The following LEPR variants were observed in gnomAD, a reference collection of about 807,000 sequenced individuals.
LEPR encodes OB receptor.
LEPR carries 56 observed loss-of-function variants against 114.7 expected under a neutral mutation model. The observed-to-expected ratio is 0.49, with a 90% confidence interval of 0.39 to 0.61. LEPR has a LOEUF of 0.61. Ranked by LOEUF, LEPR falls within the 20% of genes least tolerant of loss-of-function variation. The pLI, the probability that LEPR is intolerant of heterozygous loss-of-function variation, is 0.00. For synonymous variants in LEPR, 443 were observed against 461.4 expected (o/e 0.96, Z 0.51); for missense variants, 1,202 against 1,352.9 (o/e 0.89, Z 1.75).
intron 2 of LEPR, chr1:65,434,202 G>T (rs1646526811): frequency 4.1e-6 from 4 of 982,284 alleles, no homozygotes; most frequent in Non-Finnish European, 4.8e-6. Flanking sequence ...ATTCTGCAGT[G>T]CCTAAATATC....
chr1:65,533,120 G>T (rs1190949804), intron 2 of LEPR, among the ~76,000 whole-genome samples: 2 of 151,976 alleles, frequency 1.3e-5, no homozygotes, highest in Non-Finnish European at 2.9e-5. Context: ...AAAACATGAA[G>T]TTCCTGTGAA....
chr1:65,430,164 T>G, intron 2 of LEPR: 1 of 911,902 alleles, frequency 1.1e-6, no homozygotes, highest in East Asian at 2.8e-5. Context: ...GGCCGTGTGT[T>G]TTTAGTTTCT....
chr1:65,510,148 A>G (rs974349260), intron 2 of LEPR, among the ~76,000 whole-genome samples: 2 of 152,230 alleles, frequency 1.3e-5, no homozygotes, highest in African/African-American at 2.4e-5. Context: ...AAGCAGAGAC[A>G]AGAGATAGGA....
chr1:65,542,269 C>T lies in LEPR; in HGVS notation c.-20-23277C>T, dbSNP rs951861319. 4.0e-5 allele frequency among the ~76,000 whole-genome samples: 6 copies of T among 151,300 alleles called. No homozygotes were observed. The South Asian group carries it at 6.3e-4, about 16-fold the overall frequency. On this transcript the variant is annotated intron_variant, in intron 2 of 19. Coordinates refer to ENST00000349533, the MANE Select transcript of LEPR (RefSeq NM_002303.6). ...TATATTTCAACATAGGCTTTTTTTT[C>T]TTTTCATTTCTTTCTAAATTCCTAA...
At position 65,598,658 on chromosome 1, in the gene LEPR, A is replaced by C; in HGVS notation, c.850-2A>C. ...CTGATGTTTTAATATAATATTTAAC[A>C]GGCTGACAAGATTGTCTCAGCTACA... On this transcript the variant is annotated splice_acceptor_variant, in intron 7 of 19. Transcript: ENST00000349533. LOFTEE classifies it high-confidence loss of function. 3.1e-6 allele frequency: 5 copies of C among 1,612,968 alleles called. No homozygotes were observed. The highest frequency in any genetic ancestry group is 4.2e-6 in the Non-Finnish European group (5 of 1,179,532).
intron 2 of LEPR, among the ~76,000 whole-genome samples, chr1:65,456,556 A>G (rs1465146603): frequency 6.6e-6 from 1 of 152,144 alleles, no homozygotes; most frequent in Non-Finnish European, 1.5e-5. Flanking sequence ...CTTTATTGCT[A>G]TGTAATGCCC....
chr1:65,480,089 AG>A (rs1349346542), intron 2 of LEPR, among the ~76,000 whole-genome samples: 1 of 152,158 alleles, frequency 6.6e-6, no homozygotes, highest in African/African-American at 2.4e-5. Flanking sequence ...ATTTGAGAAA[AG>A]TAGTCAACCA....
At chr1:65,435,942 T>C (rs2100255204) in intron 2 of LEPR, 2 of 985,342 alleles carry the variant, frequency 2.0e-6, no homozygotes, top group Non-Finnish European at 2.4e-6. Flanking sequence ...CAGTGATACA[T>C]GTAACCCCAA....
chr1:65,527,604 C>T (rs115590808), intron 2 of LEPR, among the ~76,000 whole-genome samples: 352 of 152,222 alleles, frequency 2.3e-3, no homozygotes, highest in Non-Finnish European at 3.8e-3. Flanking sequence ...TGCCTCTTTT[C>T]GGTGGCTTGG....
At position 65,577,386 on chromosome 1, in the gene LEPR, A is replaced by G. The variant is rs971394953; in HGVS notation, c.494+4937A>G. 11 of 152,802 alleles carry G rather than the reference A, an allele frequency of 7.2e-5. 1 individual carries two copies. The highest frequency in any genetic ancestry group is 2.7e-4 in the African/African-American group (11 of 40,916). 9.5% of individuals were successfully genotyped at this position (152,802 alleles called of 1,614,324 possible). On this transcript the variant is annotated intron_variant, in intron 5 of 19. Coordinates refer to ENST00000349533, the MANE Select transcript of LEPR (RefSeq NM_002303.6). ...TAACAACATCCATAAAGATGATTTC[A>G]TGAAGCAGGTTTGCTGGCATGCAAT... is the stretch of plus-strand genomic sequence containing the variant.
rs1646689798 is a variant in LEPR at position 65,444,552 on chromosome 1, A to T, written c.-21+19174A>T. The stretch of plus-strand genomic sequence containing the variant: ...TATTGTCAGTTTCTTTTATAGACTC[A>T]GATTAACAAACTTTCAGAAGGGTGG... On this transcript the variant is annotated intron_variant, in intron 2 of 19. Transcript: ENST00000349533. Among the ~76,000 whole-genome samples the T allele has an allele frequency of 2.3e-5, 3 of 130,282 alleles. No homozygotes were observed. In the Admixed American group the frequency reaches 2.6e-4, roughly 11 times the overall value. 85.5% of individuals were successfully genotyped at this position (130,282 alleles called of 152,430 possible).
chr1:65,626,121 A>C, intron 19 of LEPR: 1 of 1,611,960 alleles, frequency 6.2e-7, no homozygotes. Flanking sequence ...TCCCTTTTCC[A>C]GAAAATGCCT....
intron 2 of LEPR, among the ~76,000 whole-genome samples, chr1:65,519,601 CTGTT>C (rs1175405095): frequency 6.6e-6 from 1 of 152,060 alleles, no homozygotes; most frequent in Non-Finnish European, 1.5e-5. Context: ...TACTAAAAGT[CTGTT>C]TAAGATAGCC....
At chr1:65,526,062 C>T (rs902588885) in intron 2 of LEPR, 1 of 953,316 alleles carries the variant, frequency 1.0e-6, no homozygotes, top group African/African-American at 1.8e-5. Context: ...TCTGGACACA[C>T]GGCTGACAGC....
At chr1:65,591,098 TGACCCAGGAATTATTTAGTTGTGTTC>T (rs1163249674) in intron 5 of LEPR, among the ~76,000 whole-genome samples, 2 of 152,264 alleles carry the variant, frequency 1.3e-5, no homozygotes, top group East Asian at 3.9e-4. Context: ...ATATGTTTTT[TGACCCAGGAATTATTTAGTTGTGTTC>T]AGTTTCCAAC....
chr1:65,608,850 C>G lies in LEPR; in HGVS notation c.1701C>G (p.Asn567Lys), dbSNP rs2228301. Residue 567 changes from asparagine (N) to lysine (K), a missense_variant, in exon 12 of 20, where the codon AAC becomes AAG. Asn to Lys is a moderately conservative substitution (Grantham distance 94, BLOSUM62 0). Transcript: ENST00000349533. ...AAAAGCCAGTCTTTCCAGAGAATAA[C>G]CTTCAATTCCAGATTCGCTATGGTT... ...SWEKPVFPEN[N>K]LQFQIRYGLS... The G allele has an allele frequency of 6.2e-7, 1 of 1,613,708 alleles. No homozygotes were observed. The highest frequency in any genetic ancestry group is 1.7e-5 in the Admixed American group (1 of 60,008).
Position 65,477,840 on chromosome 1 carries a change from AC to A in LEPR, c.-21+52463del, listed in dbSNP as rs1421525318. 2.6e-5 allele frequency among the ~76,000 whole-genome samples: 4 copies of A among 152,140 alleles called. No homozygotes were observed. The East Asian group carries it at 5.8e-4, about 22-fold the overall frequency. On this transcript the variant is annotated intron_variant, in intron 2 of 19. Transcript: ENST00000349533. ...CTCACCCAGATTGCCTAATTTTTGA[AC>A]TTTTAAAGAGCAGAGTACTGCTTTC...
chr1:65,442,188 A>C (rs1165084492), intron 2 of LEPR, among the ~76,000 whole-genome samples: 1 of 152,184 alleles, frequency 6.6e-6, no homozygotes, highest in East Asian at 1.9e-4. Flanking sequence ...AATAAAATGA[A>C]AAGGTGATTC....
At chr1:65,475,238 G>A (rs1316088694) in intron 2 of LEPR, among the ~76,000 whole-genome samples, 1 of 152,096 alleles carries the variant, frequency 6.6e-6, no homozygotes, top group Non-Finnish European at 1.5e-5. Context: ...TTGGACTTCC[G>A]TGTTTTCACA....
Sources: gnomAD v4.1 joint callset for allele counts (sites outside exome capture counted in the v4.1 genomes callset) on GRCh38, gnomAD v4.1.1 for gene constraint, MANE v1.5 for transcripts, NCBI Gene and HGNC (gene_info 2026-07-23, HGNC 2026-07-21) for gene names.